Variants in NR3C1 observed in about 807,000 individuals in gnomAD.
The protein encoded by NR3C1 is glucocorticoid receptor.
In NR3C1, 14 loss-of-function variants were observed where a neutral mutation model predicts 74.0. That is an observed-to-expected ratio of 0.19 (90% CI 0.12 to 0.30). The LOEUF is 0.30. Ranked by LOEUF, NR3C1 falls within the 10% of genes least tolerant of loss-of-function variation. The pLI is 1.00. For synonymous variants in NR3C1, 308 were observed against 332.5 expected (o/e 0.93, Z 0.80); for missense variants, 695 against 909.8 (o/e 0.76, Z 3.04).
At position 143,300,729 on chromosome 5, in the gene NR3C1, C is replaced by A. The variant is rs1167645598; in HGVS notation, c.1503G>T (p.Gln501His). 6.2e-7 allele frequency: 1 copy of A among 1,613,662 alleles called. No individual in the cohort carries two copies. Among genetic ancestry groups the A allele is most frequent in the Non-Finnish European group, 8.5e-7 (1 of 1,179,912 alleles). Residue 501 changes from glutamine (Q) to histidine (H), a missense_variant, in exon 5 of 9, where the codon CAG becomes CAT. Physicochemically the swap from Gln to His is conservative, Grantham distance 24 (BLOSUM62 0). This residue lies in a region of NR3C1 where 42 missense variants were observed against 49.3 expected (regional missense o/e 0.85). Coordinates refer to ENST00000394464, the MANE Select transcript of NR3C1 (RefSeq NM_000176.3). This position sits in a 1 kb window ranked among gnomAD's most constrained non-coding sequence, Gnocchi z 5.2. Reference sequence around the variant, plus strand: ...CTTGTGAGACTCCTGTAGTGGCCTGCTGAATTCCTTTTATTTTTTTCTTTG... The same window carrying A: ...CTTGTGAGACTCCTGTAGTGGCCTGATGAATTCCTTTTATTTTTTTCTTTG... ...RKTKKKIKGI[Q>H]QATTGVSQET... is the part of the protein sequence containing the mutation.
intron 2 of NR3C1, among the ~76,000 whole-genome samples, chr5:143,343,734 T>G (rs1026462451): frequency 2.0e-5 from 3 of 152,206 alleles, no homozygotes; most frequent in Non-Finnish European, 4.4e-5. Flanking sequence ...TTTTTAATCT[T>G]CATAATATTC....
At chr5:143,315,779 T>C (rs1821948097) in intron 2 of NR3C1, among the ~76,000 whole-genome samples, 1 of 152,178 alleles carries the variant, frequency 6.6e-6, no homozygotes, top group Non-Finnish European at 1.5e-5. Flanking sequence ...AGTTAAAAGG[T>C]AATAATAATG....
intron 2 of NR3C1, among the ~76,000 whole-genome samples, chr5:143,358,363 T>C (rs1202931805): frequency 6.6e-6 from 1 of 152,216 alleles, no homozygotes; most frequent in African/African-American, 2.4e-5. Flanking sequence ...TGAAGAGGGA[T>C]AGCCTTATAA....
In NR3C1 at chr5:143,371,587, G is replaced by A. The variant is rs374234906; in HGVS notation, c.1184+28069C>T. 1.3e-4 allele frequency among the ~76,000 whole-genome samples: 20 copies of A among 152,316 alleles called. 1 individual carries two copies. In the East Asian group the frequency reaches 3.5e-3, roughly 26 times the overall value. The stretch of plus-strand genomic sequence containing the variant: ...CAAAAAAGTATAAAGCAAAAAAACC[G>A]TGGGCTTGGCGAGAAGAGCCTTGGG... On this transcript the variant is annotated intron_variant, in intron 2 of 8. Coordinates refer to ENST00000394464, the MANE Select transcript of NR3C1 (RefSeq NM_000176.3).
rs536482885 is a variant in NR3C1 at position 143,435,071 on chromosome 5, C to T, written c.-553G>A. Reference sequence around the variant, plus strand: ...TCCCCCAGGCAGATCCTAATGGAAACCAACATGTGAGGTCTGATGCTGGGA... The same window carrying T: ...TCCCCCAGGCAGATCCTAATGGAAATCAACATGTGAGGTCTGATGCTGGGA... On this transcript the variant is annotated 5_prime_UTR_variant, in exon 1 of 9. Coordinates refer to the NR3C1 transcript ENST00000343796. 8.6e-5 allele frequency: 85 copies of T among 985,340 alleles called. No individual in the cohort carries two copies. The African/African-American group carries it at 1.3e-3, about 16-fold the overall frequency. The allele number at this position is 985,340 out of a possible 1,614,324, so 61.0% of individuals were successfully genotyped here.
intron 2 of NR3C1, among the ~76,000 whole-genome samples, chr5:143,338,615 T>C (rs551430593): frequency 1.3e-5 from 2 of 152,270 alleles, no homozygotes; most frequent in East Asian, 3.9e-4. Context: ...AAGAAGGACA[T>C]AAAATTTTCT....
chr5:143,386,609 G>A (rs1270472093), intron 2 of NR3C1, among the ~76,000 whole-genome samples: 1 of 152,178 alleles, frequency 6.6e-6, no homozygotes, highest in Non-Finnish European at 1.5e-5. Flanking sequence ...AGGATAAGGG[G>A]AGATGTGCAG....
intron 2 of NR3C1, among the ~76,000 whole-genome samples, chr5:143,323,472 C>T (rs1054195564): frequency 9.2e-5 from 14 of 152,002 alleles, no homozygotes; most frequent in African/African-American, 3.1e-4. Flanking sequence ...AATTACTGCA[C>T]CCCCACCCCC....
At chr5:143,309,957 C>A (rs1048046047) in intron 4 of NR3C1, 140 bp downstream of exon 4, 17 of 683,270 alleles carry the variant, frequency 2.5e-5, no homozygotes, top group Non-Finnish European at 3.6e-5. Flanking sequence ...TTTTATTGGG[C>A]AGTAACATTA....
At chr5:143,376,354 C>T (rs1835186834) in intron 2 of NR3C1, among the ~76,000 whole-genome samples, 1 of 152,196 alleles carries the variant, frequency 6.6e-6, no homozygotes, top group South Asian at 2.1e-4. Context: ...CTAAGCAGGG[C>T]TAGGACATTC....
intron 5 of NR3C1, among the ~76,000 whole-genome samples, 193 bp from the exon 6 acceptor site, chr5:143,299,005 G>GTTTTTT (rs35039262): frequency 1.1e-4 from 12 of 106,680 alleles, no homozygotes; most frequent in Non-Finnish European, 1.3e-4. Flanking sequence ...ACCCTCTTGT[G>GTTTTTT]TTTTTTTTTT....
chr5:143,309,676 C>A (rs977482807), intron 4 of NR3C1, among the ~76,000 whole-genome samples: 12 of 151,854 alleles, frequency 7.9e-5, no homozygotes, highest in South Asian at 2.1e-4. Flanking sequence ...TAATAAAACA[C>A]AGATCTCCAA....
chr5:143,282,827 T>TGGA, intron 7 of NR3C1, 102 bp from the exon 8 acceptor site: 1 of 1,267,276 alleles, frequency 7.9e-7, no homozygotes, highest in East Asian at 2.5e-5. Context: ...TCATCCAGGC[T>TGGA]GGAGTGCAGT....
intron 1 of NR3C1, among the ~76,000 whole-genome samples, chr5:143,418,902 A>G (rs553855892): frequency 1.3e-5 from 2 of 152,332 alleles, no homozygotes; most frequent in African/African-American, 4.8e-5. Context: ...CTAAGTAGGC[A>G]TAATGATCGG....
At chr5:143,331,035 G>A (rs371832054) in intron 2 of NR3C1, among the ~76,000 whole-genome samples, 2 of 152,050 alleles carry the variant, frequency 1.3e-5, no homozygotes, top group South Asian at 2.1e-4. Flanking sequence ...TGGAGGCACC[G>A]TATTACCCGA....
At chr5:143,392,383 T>C (rs1037076946) in intron 2 of NR3C1, among the ~76,000 whole-genome samples, 3 of 152,230 alleles carry the variant, frequency 2.0e-5, no homozygotes, top group Admixed American at 1.3e-4. Context: ...TTTACAAATA[T>C]ATGCAGGAGA....
At position 143,281,807 on chromosome 5, in the gene NR3C1, C is replaced by CCT. The variant is rs1476837741; in HGVS notation, c.*80_*81dup. 2 of 1,402,486 alleles carry CCT rather than the reference C, an allele frequency of 1.4e-6. No homozygotes were observed. Among genetic ancestry groups the CCT allele is most frequent in the African/African-American group, 2.9e-5 (2 of 69,940 alleles). 86.9% of individuals were successfully genotyped at this position (1,402,486 alleles called of 1,614,324 possible). A position where few individuals can be genotyped will look rare whatever the true frequency, so the allele number is the denominator to read the frequency against. ...AACAATAAAAAATAAAACAACAAAA[C>CCT]CTCTACAGGACAAACTGATAGTTTA... On this transcript the variant is annotated 3_prime_UTR_variant, in exon 9 of 9. Coordinates refer to ENST00000394464, the MANE Select transcript of NR3C1 (RefSeq NM_000176.3).
chr5:143,287,295 C>G (rs987743423), intron 7 of NR3C1, among the ~76,000 whole-genome samples: 2 of 151,920 alleles, frequency 1.3e-5, no homozygotes, highest in African/African-American at 4.8e-5. Context: ...TTTAACTAGA[C>G]TGACCATGAA....
chr5:143,343,350 G>T (rs755844451), intron 2 of NR3C1, among the ~76,000 whole-genome samples: 3 of 152,170 alleles, frequency 2.0e-5, no homozygotes, highest in African/African-American at 4.8e-5. Flanking sequence ...CAGGAGGCAG[G>T]TTGCTTGACC....
Sources: gnomAD v4.1 joint callset for allele counts (sites outside exome capture counted in the v4.1 genomes callset) on GRCh38, gnomAD v4.1.1 for gene constraint, gnomAD v4.1.1 regional missense constraint, Gnocchi (gnomAD v3.1) non-coding constraint, MANE v1.5 for transcripts, NCBI Gene and HGNC (gene_info 2026-07-23, HGNC 2026-07-21) for gene names.